Variants in GRM8 observed in about 807,000 individuals in gnomAD.
The protein encoded by GRM8 is metabotropic glutamate receptor 8.
In GRM8, 47 loss-of-function variants were observed where a neutral mutation model predicts 87.2. The observed-to-expected ratio is 0.54, with a 90% confidence interval of 0.43 to 0.69. The LOEUF is 0.69. GRM8 is among the 30% of genes least tolerant of loss of function. The probability of loss-of-function intolerance (pLI) is 0.00; values close to 1 mark genes in which losing one functional copy is unlikely to be tolerated. For missense variants in GRM8, 1,019 were observed against 1,139.2 expected (o/e 0.89, Z 1.52); for synonymous variants, 396 against 404.5 (o/e 0.98, Z 0.25).
At chr7:126,616,635 T>A (rs1308819043) in intron 7 of GRM8, among the ~76,000 whole-genome samples, 3 of 152,070 alleles carry the variant, frequency 2.0e-5, no homozygotes, top group African/African-American at 7.2e-5. Context: ...CTAGCAAGAC[T>A]AATAAAGAAG....
intron 9 of GRM8, among the ~76,000 whole-genome samples, chr7:126,503,078 G>A (rs140401375): frequency 6.6e-6 from 1 of 151,940 alleles, no homozygotes; most frequent in Non-Finnish European, 1.5e-5. Context: ...TCCAGGAATG[G>A]AGACAGTATT....
intron 2 of GRM8, among the ~76,000 whole-genome samples, chr7:127,237,710 A>G (rs1339140040): frequency 6.6e-6 from 1 of 152,174 alleles, no homozygotes; most frequent in African/African-American, 2.4e-5. Context: ...AGACTATCTA[A>G]CCCCTATCCT....
chr7:126,886,503 T>C (rs1354034301), intron 6 of GRM8, among the ~76,000 whole-genome samples: 6 of 152,068 alleles, frequency 3.9e-5, no homozygotes, highest in African/African-American at 1.4e-4. Flanking sequence ...TTCCCATCAG[T>C]GATGTCAACA....
chr7:127,076,231 G>A (rs1822244642), intron 3 of GRM8: 3 of 456,240 alleles, frequency 6.6e-6, no homozygotes, highest in Non-Finnish European at 1.3e-5. Flanking sequence ...AACAGGGATG[G>A]ATAACCTGAG....
chr7:127,195,281 T>C (rs1362573633), intron 2 of GRM8, among the ~76,000 whole-genome samples: 2 of 152,186 alleles, frequency 1.3e-5, no homozygotes, highest in Non-Finnish European at 2.9e-5. Flanking sequence ...CCATTTAATT[T>C]TATATGTAGT....
chr7:126,564,269 A>C (rs1210899609), intron 8 of GRM8, among the ~76,000 whole-genome samples: 1 of 152,204 alleles, frequency 6.6e-6, no homozygotes, highest in African/African-American at 2.4e-5. Flanking sequence ...GCTCCTCATC[A>C]AAGAAGATGC....
At chr7:126,967,857 C>G (rs1330256038) in intron 3 of GRM8, among the ~76,000 whole-genome samples, 1 of 152,168 alleles carries the variant, frequency 6.6e-6, no homozygotes, top group Non-Finnish European at 1.5e-5. Context: ...TAATATACAA[C>G]TGGTTAAGTT....
intron 6 of GRM8, among the ~76,000 whole-genome samples, chr7:126,817,099 A>C (rs1164021865): frequency 6.6e-6 from 1 of 152,150 alleles, no homozygotes; most frequent in African/African-American, 2.4e-5. Context: ...TGATTTATAT[A>C]CACTTCAATT....
chr7:127,057,109 A>G (rs1351316372), intron 3 of GRM8, among the ~76,000 whole-genome samples: 1 of 152,232 alleles, frequency 6.6e-6, no homozygotes, highest in Non-Finnish European at 1.5e-5. Flanking sequence ...TCCTTTCACC[A>G]GTGAGAAACA....
chr7:126,550,978 A>G (rs1483731696), intron 8 of GRM8, among the ~76,000 whole-genome samples: 1 of 151,748 alleles, frequency 6.6e-6, no homozygotes, highest in African/African-American at 2.4e-5. Flanking sequence ...TGACATACAG[A>G]TGTAATTATA....
At chr7:127,142,659 T>G (rs1298844323) in intron 2 of GRM8, among the ~76,000 whole-genome samples, 2 of 152,102 alleles carry the variant, frequency 1.3e-5, no homozygotes, top group Non-Finnish European at 2.9e-5. Context: ...TGATAGATGA[T>G]TAATAGGCTT....
intron 3 of GRM8, among the ~76,000 whole-genome samples, chr7:127,012,269 G>A (rs1449255431): frequency 1.3e-5 from 2 of 151,976 alleles, no homozygotes; most frequent in Non-Finnish European, 2.9e-5. Context: ...TTTCTACTTG[G>A]TTCTATAGTT....
chr7:126,805,066 A>G (rs1218622764), intron 6 of GRM8, among the ~76,000 whole-genome samples: 2 of 152,162 alleles, frequency 1.3e-5, no homozygotes. Flanking sequence ...GTCAGCCCAT[A>G]AATAGTAATA....
chr7:126,740,520 G>A (rs2151508222), intron 7 of GRM8, among the ~76,000 whole-genome samples: 1 of 152,156 alleles, frequency 6.6e-6, no homozygotes, highest in East Asian at 1.9e-4. Flanking sequence ...AGCTTTTTCT[G>A]CTAAACAGGG....
chr7:126,920,843 C>T lies in GRM8; in HGVS notation c.728-16160G>A, dbSNP rs549361894. On this transcript the variant is annotated intron_variant, in intron 3 of 10. Transcript: ENST00000339582. Reference sequence around the variant, plus strand: ...ATCTCCCCCCACCCACCCCTGCCCCCACTAAACCCCATACAGAAAATTGGA... The same window carrying T: ...ATCTCCCCCCACCCACCCCTGCCCCTACTAAACCCCATACAGAAAATTGGA... 4.0e-5 allele frequency among the ~76,000 whole-genome samples: 6 copies of T among 151,642 alleles called. 1 individual carries two copies. The South Asian group carries it at 1.3e-3, about 32-fold the overall frequency.
At chr7:126,550,255 C>G (rs1336929467) in intron 8 of GRM8, among the ~76,000 whole-genome samples, 6 of 151,934 alleles carry the variant, frequency 3.9e-5, no homozygotes, top group African/African-American at 1.5e-4. Flanking sequence ...ACTGGGACTA[C>G]AGGCACACGC....
intron 2 of GRM8, among the ~76,000 whole-genome samples, chr7:127,190,619 G>A (rs765602949): frequency 1.6e-4 from 24 of 152,016 alleles, no homozygotes; most frequent in Non-Finnish European, 5.9e-5. Flanking sequence ...GGTACAGGGA[G>A]AGATGGAGAA....
chr7:127,157,627 C>G (rs1792820533), intron 2 of GRM8, among the ~76,000 whole-genome samples: 1 of 151,966 alleles, frequency 6.6e-6, no homozygotes, highest in Non-Finnish European at 1.5e-5. Flanking sequence ...CCACAGCCAA[C>G]CCATTTTATC....
At chr7:126,587,729 C>T (rs761312576) in intron 8 of GRM8, among the ~76,000 whole-genome samples, 10 of 151,244 alleles carry the variant, frequency 6.6e-5, no homozygotes, top group Non-Finnish European at 1.3e-4. Flanking sequence ...ATGTAAATGA[C>T]GAGTTAATGG....
Sources: allele counts gnomAD v4.1 joint callset (sites outside exome capture counted in the v4.1 genomes callset), GRCh38; gene constraint gnomAD v4.1.1; transcripts MANE v1.5; gene names NCBI Gene and HGNC (gene_info 2026-07-23, HGNC 2026-07-21).